Variants in NAT1 observed in about 807,000 individuals in gnomAD.
NAT1 encodes the protein arylamine N-acetyltransferase 1.
For missense variants in NAT1, 400 were observed against 339.2 expected, an observed-to-expected ratio of 1.18 and a Z score of -1.41; for synonymous variants, 144 against 122.6, an observed-to-expected ratio of 1.17 and a Z score of -1.16.
intron 1 of NAT1, among the ~76,000 whole-genome samples, chr8:18,210,631 C>T (rs1332222237): frequency 6.6e-6 from 1 of 152,108 alleles, no homozygotes; most frequent in African/African-American, 2.4e-5. Flanking sequence ...GGTGTGTGTC[C>T]CAAAGGACCC....
intron 1 of NAT1, among the ~76,000 whole-genome samples, chr8:18,217,695 T>C (rs1589120914): frequency 6.6e-6 from 1 of 152,162 alleles, no homozygotes; most frequent in Admixed American, 6.5e-5. Flanking sequence ...TGGCTGGTAG[T>C]GAGTATAGCT....
At chr8:18,191,834 T>C (rs1200070033) in intron 2 of NAT1, among the ~76,000 whole-genome samples, 14 of 151,686 alleles carry the variant, frequency 9.2e-5, no homozygotes, top group Non-Finnish European at 7.4e-5. Context: ...ATACAAAAAT[T>C]AATTCAAGAT....
At chr8:18,186,707 T>G (rs1032594206) in intron 2 of NAT1, among the ~76,000 whole-genome samples, 3 of 152,198 alleles carry the variant, frequency 2.0e-5, no homozygotes, top group Admixed American at 2.0e-4. Context: ...GTTTTTCCTG[T>G]CTTATCATCC....
intron 2 of NAT1, among the ~76,000 whole-genome samples, chr8:18,180,385 G>A (rs1802465808): frequency 6.6e-6 from 1 of 152,254 alleles, no homozygotes. Flanking sequence ...ATGCAAGCAG[G>A]TATGAAGCCT....
chr8:18,188,411 T>A (rs1217946331), intron 2 of NAT1, among the ~76,000 whole-genome samples: 1 of 152,178 alleles, frequency 6.6e-6, no homozygotes, highest in Non-Finnish European at 1.5e-5. Flanking sequence ...CTGATTTGTT[T>A]AAGATATTCC....
intron 2 of NAT1, among the ~76,000 whole-genome samples, chr8:18,200,244 G>C (rs1215074953): frequency 6.6e-6 from 1 of 152,088 alleles, no homozygotes; most frequent in Non-Finnish European, 1.5e-5. Context: ...ATGCATGCAC[G>C]TGTTCATTGC....
intron 2 of NAT1, among the ~76,000 whole-genome samples, chr8:18,196,096 C>G (rs928324556): frequency 6.6e-6 from 1 of 151,922 alleles, no homozygotes; most frequent in Non-Finnish European, 1.5e-5. Context: ...AATTTCAAAA[C>G]ATTACACTTT....
intron 2 of NAT1, among the ~76,000 whole-genome samples, chr8:18,202,034 A>T (rs1233178828): frequency 6.6e-6 from 1 of 152,228 alleles, no homozygotes; most frequent in Non-Finnish European, 1.5e-5. Context: ...AATAAAATTT[A>T]TGTCTATAAA....
chr8:18,221,312 GTT>G (rs33944764), intron 2 of NAT1, among the ~76,000 whole-genome samples: 68 of 133,902 alleles, frequency 5.1e-4, no homozygotes, highest in African/African-American at 1.5e-3. Context: ...TTTTTGGTGT[GTT>G]TTTTTTTTTT....
At chr8:18,202,798 G>C (rs1803527217) in intron 2 of NAT1, among the ~76,000 whole-genome samples, 1 of 152,152 alleles carries the variant, frequency 6.6e-6, no homozygotes, top group Non-Finnish European at 1.5e-5. Context: ...ATTGTGAAGA[G>C]TGAAAGAACA....
At chr8:18,186,699 T>C (rs1802750448) in intron 2 of NAT1, among the ~76,000 whole-genome samples, 1 of 152,196 alleles carries the variant, frequency 6.6e-6, no homozygotes, top group African/African-American at 2.4e-5. Flanking sequence ...GTTTGGAAGT[T>C]TTTCCTGTCT....
Position 18,222,449 on chromosome 8 carries a change from T to C in NAT1, c.402T>C (p.Pro134=), listed in dbSNP as rs146727732. ...GACGCTCATACCAGATGTGGCAGCC[T>C]CTGGAGTTAATTTCTGGGAAGGATC... is the stretch of plus-strand genomic sequence containing the variant. ...GFGRSYQMWQ[P]LELISGKDQP... Residue 134 remains proline (P), a synonymous_variant, in exon 3 of 3, where the codon CCT becomes CCC. Coordinates refer to ENST00000307719, the MANE Select transcript of NAT1 (RefSeq NM_000662.8). 528 of 1,614,118 alleles carry C rather than the reference T, an allele frequency of 3.3e-4. 2 individuals are homozygous for C. The highest frequency in any genetic ancestry group is 1.3e-3 in the South Asian group (116 of 91,076).
upstream of NAT1, among the ~76,000 whole-genome samples, chr8:18,205,193 G>T (rs1803655652): frequency 6.6e-6 from 1 of 152,222 alleles, no homozygotes; most frequent in Non-Finnish European, 1.5e-5. Context: ...AGCATGGTAG[G>T]TTGCACGCTT....
chr8:18,203,913 T>C (rs1031494814), intron 2 of NAT1, among the ~76,000 whole-genome samples: 13 of 152,114 alleles, frequency 8.5e-5, no homozygotes, highest in African/African-American at 3.1e-4. Context: ...ACGTTAAAGA[T>C]GGTGGCTCCA....
intron 2 of NAT1, among the ~76,000 whole-genome samples, chr8:18,172,057 C>G (rs1421752752): frequency 6.6e-6 from 1 of 152,302 alleles, no homozygotes; most frequent in East Asian, 1.9e-4. Flanking sequence ...CTGAAATATA[C>G]TTAATCCTCC....
At chr8:18,211,004 C>CG (rs1804047041) in intron 1 of NAT1, among the ~76,000 whole-genome samples, 1 of 152,064 alleles carries the variant, frequency 6.6e-6, no homozygotes, top group Non-Finnish European at 1.5e-5. Flanking sequence ...GGGGTTTCAC[C>CG]GTCTTGGCTA....
chr8:18,175,215 A>C (rs1052414090), intron 2 of NAT1, among the ~76,000 whole-genome samples: 29 of 151,924 alleles, frequency 1.9e-4, no homozygotes, highest in African/African-American at 2.7e-4. Context: ...TTTTGGTGTG[A>C]TGAGAATGTT....
chr8:18,191,377 G>T (rs555465884), intron 2 of NAT1, among the ~76,000 whole-genome samples: 1 of 152,050 alleles, frequency 6.6e-6, no homozygotes, highest in Non-Finnish European at 1.5e-5. Context: ...ATGTATACAA[G>T]CCTGTTTCTT....
Position 18,222,012 on chromosome 8 carries a change from A to T in NAT1, c.-6-30A>T, listed in dbSNP as rs8190857. Reference sequence around the variant, plus strand: ...CAAATCCAAGTGTAAAAGTAAAATGATTTGCTTTCGTTTTGTTTTCCTTGC... The same window carrying T: ...CAAATCCAAGTGTAAAAGTAAAATGTTTTGCTTTCGTTTTGTTTTCCTTGC... On this transcript the variant is annotated intron_variant, in intron 2 of 2. Transcript: ENST00000307719. 3.0e-3 allele frequency: 4,646 copies of T among 1,569,658 alleles called. 132 individuals are homozygous for T. In the African/African-American group the frequency reaches 0.058, roughly 19 times the overall value.
Sources: allele counts gnomAD v4.1 joint callset (sites outside exome capture counted in the v4.1 genomes callset), GRCh38; gene constraint gnomAD v4.1.1; transcripts MANE v1.5; gene names NCBI Gene and HGNC (gene_info 2026-07-23, HGNC 2026-07-21).